The following RRM2 variants were observed in gnomAD, a reference collection of about 807,000 sequenced individuals.
RRM2 encodes the protein ribonucleoside-diphosphate reductase subunit M2.
In RRM2, 6 loss-of-function variants were observed where a neutral mutation model predicts 45.9. The observed-to-expected ratio is 0.13, with a 90% CI of 0.07 to 0.26. The LOEUF (loss-of-function observed/expected upper bound fraction) is 0.26, where lower values mean the gene tolerates loss of function less well. Ranked by LOEUF, RRM2 falls within the 10% of genes least tolerant of loss-of-function variation. RRM2 has a pLI of 1.00. For synonymous variants in RRM2, 177 were observed against 173.0 expected (o/e 1.02, Z -0.18); for missense variants, 343 against 489.5 (o/e 0.70, Z 2.82).
At chr2:10,150,787 T>TTTC (rs775552474) in intron 3 of RRM2, among the ~76,000 whole-genome samples, 10,211 of 148,020 alleles carry the variant, frequency 0.069, 454 homozygotes, top group Non-Finnish European at 0.11. Flanking sequence ...TTTTTTTTTT[T>TTTC]TTTGATGTGG....
At chr2:10,187,414 G>A (rs1664192468) in intron 3 of RRM2, among the ~76,000 whole-genome samples, 1 of 152,220 alleles carries the variant, frequency 6.6e-6, no homozygotes, top group African/African-American at 2.4e-5. Context: ...TTCTCCAACT[G>A]CAGGCACCTG....
At chr2:10,147,047 G>T (rs1306503870) in intron 3 of RRM2, among the ~76,000 whole-genome samples, 2 of 152,048 alleles carry the variant, frequency 1.3e-5, no homozygotes, top group Admixed American at 6.6e-5. Flanking sequence ...CTGCCTCCCG[G>T]GTTCAAGCGA....
intron 3 of RRM2, among the ~76,000 whole-genome samples, chr2:10,147,464 A>G (rs554119789): frequency 9.2e-5 from 14 of 151,654 alleles, no homozygotes; most frequent in African/African-American, 3.4e-4. Context: ...TTTTTTTTGT[A>G]GAGACAGGGT....
At chr2:10,168,319 C>A (rs1663724586) in intron 3 of RRM2, among the ~76,000 whole-genome samples, 1 of 152,188 alleles carries the variant, frequency 6.6e-6, no homozygotes, top group South Asian at 2.1e-4. Flanking sequence ...TAACAAGCAT[C>A]ATTGAATAAT....
At chr2:10,164,586 T>TTG (rs1036797723) in intron 3 of RRM2, among the ~76,000 whole-genome samples, 5 of 152,150 alleles carry the variant, frequency 3.3e-5, no homozygotes, top group Admixed American at 6.6e-5. Context: ...TGGTCTCTGC[T>TTG]TGAACCCTGT....
intron 3 of RRM2, among the ~76,000 whole-genome samples, chr2:10,168,702 G>T (rs956516681): frequency 6.7e-6 from 1 of 149,466 alleles, no homozygotes; most frequent in Non-Finnish European, 1.5e-5. Context: ...CACCTGTCCT[G>T]TTTATTCATT....
At chr2:10,148,613 G>T (rs1384632160) in intron 3 of RRM2, among the ~76,000 whole-genome samples, 1 of 152,094 alleles carries the variant, frequency 6.6e-6, no homozygotes, top group Non-Finnish European at 1.5e-5. Flanking sequence ...GTTTTCACTT[G>T]ACTGTCCAAA....
chr2:10,161,469 C>T (rs1663553630), intron 3 of RRM2, among the ~76,000 whole-genome samples: 1 of 152,344 alleles, frequency 6.6e-6, no homozygotes, highest in East Asian at 1.9e-4. Context: ...GGCACAGCCT[C>T]TTGCAGGTGT....
At chr2:10,150,194 T>C (rs918573918) in intron 3 of RRM2, among the ~76,000 whole-genome samples, 1 of 152,112 alleles carries the variant, frequency 6.6e-6, no homozygotes, top group African/African-American at 2.4e-5. Context: ...AAGCCTGTAA[T>C]CCCAGCACTT....
intron 3 of RRM2, among the ~76,000 whole-genome samples, chr2:10,180,572 A>G (rs1344569391): frequency 6.6e-6 from 1 of 152,034 alleles, no homozygotes; most frequent in Non-Finnish European, 1.5e-5. Context: ...TCCCCTCTGG[A>G]TGAACCTCAG....
downstream of RRM2, among the ~76,000 whole-genome samples, chr2:10,132,867 C>G (rs988753365): frequency 6.6e-6 from 1 of 152,232 alleles, no homozygotes; most frequent in African/African-American, 2.4e-5. Context: ...CTGCTCCCCC[C>G]GGCCCCATGC....
At chr2:10,182,869 C>T (rs993773119) in intron 3 of RRM2, among the ~76,000 whole-genome samples, 4 of 152,100 alleles carry the variant, frequency 2.6e-5, no homozygotes, top group East Asian at 3.9e-4. Flanking sequence ...GCCACTCAAA[C>T]GCAGACTCTT....
Position 10,188,018 on chromosome 2 carries a change from G to A in RRM2, n.483-22293G>A, listed in dbSNP as rs1038675753. On this transcript the variant is annotated intron_variant and non_coding_transcript_variant, in intron 3 of 3. Transcript: ENST00000381786. ...GGCGGTGGGGTCTAGCGATCTGTGC[G>A]TTAACACATACTCTAGGGGGTTCCG... Among the ~76,000 whole-genome samples, 18 of 152,208 alleles carry A rather than the reference G, an allele frequency of 1.2e-4. 1 individual carries two copies. The highest frequency in any genetic ancestry group is 3.4e-4 in the African/African-American group (14 of 41,456).
At chr2:10,181,765 T>TTC in intron 3 of RRM2, among the ~76,000 whole-genome samples, 1 of 94,810 alleles carries the variant, frequency 1.1e-5, no homozygotes. Flanking sequence ...TTTTTTTTTT[T>TTC]TTTTTTTTTT....
chr2:10,167,138 C>T lies in RRM2; in HGVS notation n.482+24763C>T, dbSNP rs574234177. 4.6e-5 allele frequency among the ~76,000 whole-genome samples: 7 copies of T among 152,346 alleles called. No homozygotes were observed. In the East Asian group the frequency reaches 1.3e-3, roughly 29 times the overall value. ...CTCTCGAGACACGCCTCGACTGCCA[C>T]TCTCCCACCCCTGCGTGGCACCCTC... On this transcript the variant is annotated intron_variant and non_coding_transcript_variant, in intron 3 of 3. Coordinates refer to the RRM2 transcript ENST00000381786.
chr2:10,149,749 C>G (rs559241519), intron 3 of RRM2, among the ~76,000 whole-genome samples: 1 of 152,176 alleles, frequency 6.6e-6, no homozygotes, highest in Admixed American at 6.5e-5. Flanking sequence ...CTGGTGATTC[C>G]TCTTTTTGCC....
At position 10,194,412 on chromosome 2, in the gene RRM2, A is replaced by G. The variant is rs144507193; in HGVS notation, n.483-15899A>G. Among the ~76,000 whole-genome samples the G allele has an allele frequency of 7.2e-5, 11 of 152,356 alleles. No individual in the cohort carries two copies. The East Asian group carries it at 2.1e-3, about 29-fold the overall frequency. On this transcript the variant is annotated intron_variant and non_coding_transcript_variant, in intron 3 of 3. Transcript: ENST00000381786. ...CTCCTGGCTCATCTGTGACACAGAA[A>G]TGACAGTTCCTACTCCCCAGCTTGT... is the stretch of plus-strand genomic sequence containing the variant.
At chr2:10,140,784 G>A (rs1427068358), upstream of RRM2, among the ~76,000 whole-genome samples, 1 of 152,232 alleles carries the variant, frequency 6.6e-6, no homozygotes, top group Non-Finnish European at 1.5e-5. Flanking sequence ...CAGGTTGGGA[G>A]TAAGAGCAGT....
chr2:10,177,268 G>T (rs141024419), intron 3 of RRM2, among the ~76,000 whole-genome samples: 1 of 86,508 alleles, frequency 1.2e-5, no homozygotes, highest in Non-Finnish European at 2.8e-5. Context: ...TAAAATAATA[G>T]AATAAAATAG....
Sources: gnomAD v4.1 joint callset for allele counts (sites outside exome capture counted in the v4.1 genomes callset) on GRCh38, gnomAD v4.1.1 for gene constraint, MANE v1.5 for transcripts, NCBI Gene and HGNC (gene_info 2026-07-23, HGNC 2026-07-21) for gene names.